ZNF385B: variants seen among roughly 807,000 people sequenced by gnomAD.
The protein encoded by ZNF385B is zinc finger protein 533.
ZNF385B carries 23 observed loss-of-function variants against 39.2 expected under a neutral mutation model. The ratio of observed to expected loss-of-function variants is 0.59; its 90% CI spans 0.42 to 0.83. The LOEUF is 0.83. Ranked by LOEUF, ZNF385B falls within the 40% of genes least tolerant of loss-of-function variation. The pLI is 0.00. For missense variants in ZNF385B, 552 were observed against 598.9 expected (o/e 0.92, Z 0.82); for synonymous variants, 205 against 222.6 (o/e 0.92, Z 0.70).
chr2:179,593,126 C>T (rs968141171), intron 3 of ZNF385B, among the ~76,000 whole-genome samples: 8 of 151,824 alleles, frequency 5.3e-5, no homozygotes, highest in African/African-American at 1.5e-4. Flanking sequence ...TTGCTGTCAA[C>T]GGGAATGATA....
At chr2:179,614,430 T>C (rs571458604) in intron 3 of ZNF385B, among the ~76,000 whole-genome samples, 28 of 152,344 alleles carry the variant, frequency 1.8e-4, no homozygotes, top group African/African-American at 6.7e-4. Context: ...TTTTAGCAGT[T>C]TGTAGTCATA....
At chr2:179,777,509 A>G (rs1331420620) in intron 1 of ZNF385B, among the ~76,000 whole-genome samples, 1 of 152,134 alleles carries the variant, frequency 6.6e-6, no homozygotes, top group Non-Finnish European at 1.5e-5. Flanking sequence ...AACAAATACT[A>G]TTAGGATGGA....
chr2:179,708,223 G>A (rs992415194), intron 3 of ZNF385B, among the ~76,000 whole-genome samples: 4 of 152,192 alleles, frequency 2.6e-5, no homozygotes, highest in Non-Finnish European at 5.9e-5. Flanking sequence ...GATCACAGGG[G>A]TGGTTTCCCC....
intron 6 of ZNF385B, among the ~76,000 whole-genome samples, chr2:179,475,756 C>T (rs2053373421): frequency 0.011 from 2 of 186 alleles, no homozygotes; most frequent in South Asian, 0.083. Context: ...TGAAACATGT[C>T]GAAAGTCTAA....
chr2:179,613,392 G>T (rs1689457259), intron 3 of ZNF385B, among the ~76,000 whole-genome samples: 1 of 152,148 alleles, frequency 6.6e-6, no homozygotes, highest in Non-Finnish European at 1.5e-5. Context: ...CCATCTCTGA[G>T]TCTCACCCAA....
chr2:179,542,900 T>C (rs1176646737), intron 4 of ZNF385B, among the ~76,000 whole-genome samples: 1 of 152,214 alleles, frequency 6.6e-6, no homozygotes, highest in Non-Finnish European at 1.5e-5. Flanking sequence ...AATATGACTT[T>C]CTAATTTTAC....
chr2:179,588,127 C>A (rs986765932), intron 3 of ZNF385B, among the ~76,000 whole-genome samples: 1 of 152,058 alleles, frequency 6.6e-6, no homozygotes, highest in African/African-American at 2.4e-5. Context: ...CTCGCTCTGT[C>A]GCCCAGGCTG....
intron 5 of ZNF385B, among the ~76,000 whole-genome samples, chr2:179,515,789 T>C (rs538394126): frequency 6.6e-4 from 100 of 152,306 alleles, no homozygotes; most frequent in South Asian, 6.4e-3. Flanking sequence ...ATACTCTATA[T>C]ATAGTAAAAT....
chr2:179,807,898 G>GAAAGAAAGAAAT (rs1706470415), intron 1 of ZNF385B, among the ~76,000 whole-genome samples: 1 of 36,778 alleles, frequency 2.7e-5, no homozygotes, highest in Non-Finnish European at 8.9e-5. Flanking sequence ...CCGTCTGAAA[G>GAAAGAAAGAAAT]AAAGAAAGAA....
At chr2:179,641,989 A>G (rs1465665202) in intron 3 of ZNF385B, among the ~76,000 whole-genome samples, 1 of 152,170 alleles carries the variant, frequency 6.6e-6, no homozygotes, top group Non-Finnish European at 1.5e-5. Context: ...GGTTTGATTC[A>G]ATTTTAATGG....
chr2:179,539,485 A>T, intron 4 of ZNF385B, among the ~76,000 whole-genome samples: 1 of 152,356 alleles, frequency 6.6e-6, no homozygotes, highest in Middle Eastern at 3.4e-3. Flanking sequence ...ATCATATTAA[A>T]TTAATATTAT....
chr2:179,477,518 T>A (rs1436025326), intron 6 of ZNF385B, among the ~76,000 whole-genome samples: 1 of 152,290 alleles, frequency 6.6e-6, no homozygotes, highest in Non-Finnish European at 1.5e-5. Context: ...TAAATAAAAC[T>A]ATCTCCCTGC....
intron 4 of ZNF385B, among the ~76,000 whole-genome samples, chr2:179,524,498 G>C (rs745965832): frequency 8.2e-5 from 11 of 133,784 alleles, no homozygotes; most frequent in Non-Finnish European, 1.5e-4. Context: ...CTTGCAGTGA[G>C]CCGAGATCGT....
intron 3 of ZNF385B, among the ~76,000 whole-genome samples, chr2:179,695,165 T>C (rs1194468932): frequency 2.0e-5 from 3 of 152,162 alleles, no homozygotes; most frequent in Non-Finnish European, 2.9e-5. Flanking sequence ...GCTCTTGAGA[T>C]TACAACTAGA....
chr2:179,744,669 G>A (rs1183611628), intron 3 of ZNF385B, among the ~76,000 whole-genome samples: 1 of 152,082 alleles, frequency 6.6e-6, no homozygotes, highest in East Asian at 1.9e-4. Flanking sequence ...TAAAACAGCT[G>A]CCTCAAATAA....
At chr2:179,529,018 T>A (rs1559413102) in intron 4 of ZNF385B, among the ~76,000 whole-genome samples, 1 of 152,208 alleles carries the variant, frequency 6.6e-6, no homozygotes, top group East Asian at 1.9e-4. Flanking sequence ...TGGGACTTAA[T>A]TAAATGTTTA....
chr2:179,688,705 T>C (rs370495597), intron 3 of ZNF385B, among the ~76,000 whole-genome samples: 9 of 152,322 alleles, frequency 5.9e-5, no homozygotes, highest in African/African-American at 2.2e-4. Flanking sequence ...CTAGCATTTT[T>C]TGAGGATACA....
At chr2:179,798,073 A>G (rs1180924451) in intron 1 of ZNF385B, among the ~76,000 whole-genome samples, 2 of 151,988 alleles carry the variant, frequency 1.3e-5, no homozygotes, top group Admixed American at 6.6e-5. Flanking sequence ...GTGGCCACGG[A>G]GGGATCTTTT....
At chr2:179,748,274 C>CA (rs1046578787) in intron 3 of ZNF385B, among the ~76,000 whole-genome samples, 73 of 149,984 alleles carry the variant, frequency 4.9e-4, no homozygotes, top group Middle Eastern at 3.4e-3. Context: ...ATGACTGAAT[C>CA]AAAAAAAAAT....
Sources: allele counts gnomAD v4.1 joint callset (sites outside exome capture counted in the v4.1 genomes callset), GRCh38; gene constraint gnomAD v4.1.1; transcripts MANE v1.5; gene names NCBI Gene and HGNC (gene_info 2026-07-23, HGNC 2026-07-21).